Variants in TUFT1 observed in about 807,000 individuals in gnomAD.
TUFT1 encodes the protein tuftelin.
Under a neutral mutation model 57.8 loss-of-function variants are expected in TUFT1, and 43 were observed. That is an observed-to-expected ratio of 0.74 (90% CI 0.58 to 0.96). The LOEUF is 0.96. Among genes scored for constraint, TUFT1 ranks in the 40% least tolerant of loss-of-function variants. TUFT1 has a pLI of 0.00. For missense variants in TUFT1, 459 were observed against 489.0 expected (o/e 0.94, Z 0.58); for synonymous variants, 166 against 176.7 (o/e 0.94, Z 0.48).
At chr1:151,581,176 C>T (rs1209921106) in intron 12 of TUFT1, 134 bp downstream of exon 12, 4 of 830,116 alleles carry the variant, frequency 4.8e-6, no homozygotes, top group Non-Finnish European at 7.4e-6. Context: ...GTCTGACCCA[C>T]TGTTTGCCGG....
intron 7 of TUFT1, among the ~76,000 whole-genome samples, chr1:151,572,768 C>T (rs1409658820): frequency 6.6e-6 from 1 of 152,196 alleles, no homozygotes; most frequent in African/African-American, 2.4e-5. Flanking sequence ...TGAGTTTGCT[C>T]TGGACATGGC....
chr1:151,554,806 C>T (rs1665630009), intron 1 of TUFT1, among the ~76,000 whole-genome samples: 2 of 141,928 alleles, frequency 1.4e-5, no homozygotes, highest in Admixed American at 1.5e-4. Context: ...AGAGTTCAAG[C>T]GATCCTCCTG....
chr1:151,540,698 C>G (rs566539975), intron 1 of TUFT1: 1 of 420,352 alleles, frequency 2.4e-6, no homozygotes, highest in Non-Finnish European at 4.4e-6. Context: ...CCGGCGAGCC[C>G]GTGCTTGGGC....
At chr1:151,581,141 C>A in intron 12 of TUFT1, 99 bp downstream of exon 12, 1 of 1,140,936 alleles carries the variant, frequency 8.8e-7, no homozygotes, top group African/African-American at 1.6e-5. Context: ...AACAAGGCTC[C>A]TTTAAATCCA....
At chr1:151,552,402 A>G (rs1320446834) in intron 1 of TUFT1, among the ~76,000 whole-genome samples, 1 of 152,152 alleles carries the variant, frequency 6.6e-6, no homozygotes, top group Non-Finnish European at 1.5e-5. Context: ...AATCACTGAC[A>G]AAAGAAAATA....
intron 5 of TUFT1, among the ~76,000 whole-genome samples, chr1:151,565,622 C>A (rs1196725577): frequency 6.6e-6 from 1 of 152,246 alleles, no homozygotes; most frequent in Non-Finnish European, 1.5e-5. Flanking sequence ...AGTCCAGCCC[C>A]CTTGTTTGCA....
intron 8 of TUFT1, 51 bp from the exon 9 acceptor site, chr1:151,574,860 A>G: frequency 6.7e-7 from 1 of 1,497,654 alleles, no homozygotes; most frequent in East Asian, 2.5e-5. Context: ...GCCCAAACGC[A>G]GAAACTGTTG....
At chr1:151,564,803 C>T (rs972682855) in intron 5 of TUFT1, 189 bp downstream of exon 5, 2 of 524,696 alleles carry the variant, frequency 3.8e-6, no homozygotes, top group Non-Finnish European at 3.4e-6. Context: ...TGAGCACTTA[C>T]ATTTACACAT....
chr1:151,557,128 C>G (rs897020264), intron 1 of TUFT1, among the ~76,000 whole-genome samples: 3 of 151,750 alleles, frequency 2.0e-5, no homozygotes, highest in Non-Finnish European at 2.9e-5. Context: ...TGAGTGTTAT[C>G]TCTTTGTATA....
intron 1 of TUFT1, among the ~76,000 whole-genome samples, chr1:151,546,149 C>G (rs1665332683): frequency 6.6e-6 from 1 of 151,306 alleles, no homozygotes; most frequent in African/African-American, 2.4e-5. Flanking sequence ...TTTGTCTTGG[C>G]CAGAGAGGTT....
chr1:151,565,429 A>G (rs1030995278), intron 5 of TUFT1, among the ~76,000 whole-genome samples: 1 of 152,260 alleles, frequency 6.6e-6, no homozygotes, highest in African/African-American at 2.4e-5. Flanking sequence ...CTTGAGGGGA[A>G]CAGTGGCCCA....
chr1:151,557,406 G>T, intron 1 of TUFT1: 1 of 871,784 alleles, frequency 1.1e-6, no homozygotes, highest in Non-Finnish European at 1.9e-6. Context: ...AACCTAAGAG[G>T]GGCTTTCCAG....
At chr1:151,563,163 G>A (rs931623805) in intron 3 of TUFT1, among the ~76,000 whole-genome samples, 6 of 152,052 alleles carry the variant, frequency 3.9e-5, no homozygotes, top group African/African-American at 1.4e-4. Flanking sequence ...GGTATTATAG[G>A]CGTGCACCAG....
At chr1:151,548,727 G>T (rs1665421286) in intron 1 of TUFT1, among the ~76,000 whole-genome samples, 1 of 152,192 alleles carries the variant, frequency 6.6e-6, no homozygotes, top group Admixed American at 6.5e-5. Flanking sequence ...GATACAGGGT[G>T]AAGATGAATT....
chr1:151,579,851 A>G, intron 11 of TUFT1, 119 bp downstream of exon 11: 3 of 988,620 alleles, frequency 3.0e-6, no homozygotes, highest in South Asian at 3.2e-5. Context: ...TGAAGTGAAT[A>G]CCTAGGGTGG....
intron 3 of TUFT1, 75 bp from the exon 4 acceptor site, chr1:151,563,829 A>G (rs564600117): frequency 3.8e-5 from 48 of 1,279,202 alleles, no homozygotes; most frequent in Non-Finnish European, 4.9e-5. Context: ...TCCCACCAGC[A>G]CTATATGAAG....
At chr1:151,550,312 C>T (rs542032081) in intron 1 of TUFT1, among the ~76,000 whole-genome samples, 2 of 152,110 alleles carry the variant, frequency 1.3e-5, no homozygotes, top group Non-Finnish European at 2.9e-5. Flanking sequence ...GGATTATAGG[C>T]GTGAGCCACT....
chr1:151,566,002 T>C, intron 5 of TUFT1, 161 bp from the exon 6 acceptor site: 1 of 469,338 alleles, frequency 2.1e-6, no homozygotes, highest in Non-Finnish European at 3.9e-6. Context: ...TCCTTCCTTT[T>C]TCTCCCTCCC....
At chr1:151,579,832 C>CT (rs1666588252) in intron 11 of TUFT1, 100 bp downstream of exon 11, 4 of 1,201,190 alleles carry the variant, frequency 3.3e-6, no homozygotes, top group Non-Finnish European at 4.8e-6. Context: ...TCATGTCTTG[C>CT]TGTTGCTCTG....
Sources: gnomAD v4.1 joint callset for allele counts (sites outside exome capture counted in the v4.1 genomes callset) on GRCh38, gnomAD v4.1.1 for gene constraint, MANE v1.5 for transcripts, NCBI Gene and HGNC (gene_info 2026-07-23, HGNC 2026-07-21) for gene names.